Variants in MSI2 observed in about 807,000 individuals in gnomAD.
MSI2 encodes the protein RNA-binding protein Musashi homolog 2.
Under a neutral mutation model 45.6 loss-of-function variants are expected in MSI2, and 17 were observed. That is an observed-to-expected ratio of 0.37 (90% CI 0.26 to 0.56). MSI2 has a LOEUF of 0.56. MSI2 is among the 20% of genes least tolerant of loss of function. The probability of loss-of-function intolerance (pLI) is 0.77; values close to 1 mark genes in which losing one functional copy is unlikely to be tolerated. For synonymous variants in MSI2, 156 were observed against 158.2 expected, an observed-to-expected ratio of 0.99 and a Z score of 0.11; for missense variants, 293 against 444.2, an observed-to-expected ratio of 0.66 and a Z score of 3.06.
chr17:57,358,536 G>C (rs1354329394), intron 5 of MSI2, among the ~76,000 whole-genome samples: 2 of 152,150 alleles, frequency 1.3e-5, no homozygotes, highest in Admixed American at 6.5e-5. Context: ...GAGTATGAAA[G>C]TGATGTATTA....
intron 8 of MSI2, among the ~76,000 whole-genome samples, chr17:57,603,427 G>A (rs1005447961): frequency 6.6e-6 from 1 of 152,228 alleles, no homozygotes; most frequent in Admixed American, 6.5e-5. Flanking sequence ...AACCACAGGC[G>A]AGTGCCCTAC....
chr17:57,686,811 G>T (rs1567980016), downstream of MSI2, among the ~76,000 whole-genome samples: 1 of 150,568 alleles, frequency 6.6e-6, no homozygotes, highest in African/African-American at 2.4e-5. Flanking sequence ...CAGTTAGAGA[G>T]ATTAATATAC....
At chr17:57,432,181 A>G (rs1017287273) in intron 6 of MSI2, among the ~76,000 whole-genome samples, 3 of 152,206 alleles carry the variant, frequency 2.0e-5, no homozygotes, top group East Asian at 3.8e-4. Flanking sequence ...CTGGTGGATG[A>G]GAATCACGGA....
At chr17:57,357,050 C>T (rs994711858) in intron 5 of MSI2, among the ~76,000 whole-genome samples, 3 of 152,148 alleles carry the variant, frequency 2.0e-5, no homozygotes, top group East Asian at 1.9e-4. Context: ...CCCCGCTTCT[C>T]GGGGCTGATT....
intron 6 of MSI2, among the ~76,000 whole-genome samples, chr17:57,430,120 T>A (rs1289464617): frequency 6.6e-6 from 1 of 152,180 alleles, no homozygotes; most frequent in Non-Finnish European, 1.5e-5. Context: ...CTCCCTGCAA[T>A]GTCTTGAGGT....
chr17:57,377,075 C>T lies in MSI2; in HGVS notation c.313-24304C>T, dbSNP rs551594681. On this transcript the variant is annotated intron_variant, in intron 5 of 13. Coordinates refer to ENST00000284073, the MANE Select transcript of MSI2 (RefSeq NM_138962.4). ...AGCTGGGACTACAGGCGCCCGCCAC[C>T]ACGCCCAGCTAATTTTTTGTATTTT... Among the ~76,000 whole-genome samples the T allele has an allele frequency of 5.6e-4, 85 of 152,268 alleles. 1 individual carries two copies. The South Asian group carries it at 8.9e-3, about 16-fold the overall frequency.
At chr17:57,631,486 C>G (rs1264482200) in intron 10 of MSI2, 1 of 320,138 alleles carries the variant, frequency 3.1e-6, no homozygotes, top group Non-Finnish European at 5.7e-6. Context: ...GCAAGTGGCA[C>G]CTGGCTGTGC....
chr17:57,275,844 G>A (rs949161031), intron 5 of MSI2, among the ~76,000 whole-genome samples: 4 of 152,224 alleles, frequency 2.6e-5, no homozygotes, highest in African/African-American at 9.6e-5. Context: ...TGATCACTAG[G>A]CTATGAAGCA....
chr17:57,371,382 C>T (rs1478318499), intron 5 of MSI2, among the ~76,000 whole-genome samples: 1 of 152,056 alleles, frequency 6.6e-6, no homozygotes, highest in African/African-American at 2.4e-5. Flanking sequence ...CCTCCAATCA[C>T]AAACACTTGG....
intron 10 of MSI2, among the ~76,000 whole-genome samples, chr17:57,650,228 C>G (rs533228007): frequency 3.1e-4 from 47 of 152,150 alleles, no homozygotes; most frequent in African/African-American, 8.9e-4. Flanking sequence ...TCCCCCTCCC[C>G]CAAGTCTTTC....
chr17:57,486,165 G>T (rs943345801), intron 6 of MSI2, among the ~76,000 whole-genome samples: 1 of 152,224 alleles, frequency 6.6e-6, no homozygotes, highest in South Asian at 2.1e-4. Flanking sequence ...TGGCTGCCTG[G>T]TTGGTGGAGG....
chr17:57,627,194 C>G lies in MSI2; in HGVS notation c.653-35C>G. On this transcript the variant is annotated intron_variant, in intron 9 of 13. Transcript: ENST00000284073. This position sits in a 1 kb window ranked among gnomAD's most constrained non-coding sequence, Gnocchi z 4.6. The stretch of plus-strand genomic sequence containing the variant: ...TTACCCCAGACCTGAGGCGGCTGTA[C>G]TAACAGGACTCTGATCTTTCTCTTT... The G allele has an allele frequency of 6.2e-7, 1 of 1,602,394 alleles. No individual in the cohort carries two copies. The highest frequency in any genetic ancestry group is 8.6e-7 in the Non-Finnish European group (1 of 1,169,270).
downstream of MSI2, among the ~76,000 whole-genome samples, chr17:57,685,180 A>G (rs1913845363): frequency 6.6e-6 from 1 of 152,276 alleles, no homozygotes; most frequent in South Asian, 2.1e-4. Context: ...TACAATCACA[A>G]AACTAAAGAT....
chr17:57,586,295 AG>A lies in MSI2; in HGVS notation c.455-10572del, dbSNP rs139833286. Among the ~76,000 whole-genome samples, 203 of 152,234 alleles carry A rather than the reference AG, an allele frequency of 1.3e-3. 2 individuals are homozygous for A. The highest frequency in any genetic ancestry group is 4.8e-3 in the African/African-American group (199 of 41,528). ...GCAGGCACTTTCAAATCACACTATC[AG>A]TATTCATGACAGATTTCTCTCTTAG... is the stretch of plus-strand genomic sequence containing the variant. On this transcript the variant is annotated intron_variant, in intron 7 of 13. Coordinates refer to ENST00000284073, the MANE Select transcript of MSI2 (RefSeq NM_138962.4).
intron 5 of MSI2, among the ~76,000 whole-genome samples, chr17:57,299,565 AAC>A (rs1289919886): frequency 6.6e-6 from 1 of 152,198 alleles, no homozygotes; most frequent in African/African-American, 2.4e-5. Flanking sequence ...GATCAGTTAG[AAC>A]ACACACAATA....
At chr17:57,384,892 T>G (rs751694433) in intron 5 of MSI2, among the ~76,000 whole-genome samples, 3 of 152,226 alleles carry the variant, frequency 2.0e-5, no homozygotes, top group Non-Finnish European at 2.9e-5. Flanking sequence ...ATCTTTCCTC[T>G]GCAAACCTGC....
At chr17:57,579,752 C>T (rs2088150916) in intron 7 of MSI2, among the ~76,000 whole-genome samples, 1 of 152,178 alleles carries the variant, frequency 6.6e-6, no homozygotes, top group African/African-American at 2.4e-5. Context: ...AGTGCTTCAG[C>T]ATCTGATGGG....
intron 6 of MSI2, among the ~76,000 whole-genome samples, chr17:57,484,589 T>G (rs1292472770): frequency 6.6e-6 from 1 of 152,222 alleles, no homozygotes; most frequent in African/African-American, 2.4e-5. Flanking sequence ...TAAAAACAAC[T>G]GTGTTCATGT....
At chr17:57,488,976 T>C (rs1425077880) in intron 6 of MSI2, among the ~76,000 whole-genome samples, 1 of 152,168 alleles carries the variant, frequency 6.6e-6, no homozygotes, top group African/African-American at 2.4e-5. Context: ...GGGAACACAC[T>C]GCCAGGAGCC....
Sources: allele counts gnomAD v4.1 joint callset (sites outside exome capture counted in the v4.1 genomes callset), GRCh38; gene constraint gnomAD v4.1.1; non-coding constraint Gnocchi (gnomAD v3.1); transcripts MANE v1.5; gene names NCBI Gene and HGNC (gene_info 2026-07-23, HGNC 2026-07-21).